TMC1: variants seen among roughly 807,000 people sequenced by gnomAD.
TMC1 encodes the protein transmembrane channel-like protein 1.
A neutral mutation model predicts 105.8 loss-of-function variants in TMC1; 84 were observed. The observed-to-expected ratio is 0.79, with a 90% CI of 0.67 to 0.95. The LOEUF is 0.95. Among genes scored for constraint, TMC1 ranks in the 40% least tolerant of loss-of-function variants. The probability of loss-of-function intolerance (pLI) is 0.00; values close to 1 mark genes in which losing one functional copy is unlikely to be tolerated. For missense variants in TMC1, 817 were observed against 914.1 expected (o/e 0.89, Z 1.37); for synonymous variants, 315 against 311.5 (o/e 1.01, Z -0.12).
intron 12 of TMC1, among the ~76,000 whole-genome samples, chr9:72,757,737 G>T (rs961418021): frequency 2.6e-5 from 4 of 152,114 alleles, no homozygotes; most frequent in Non-Finnish European, 4.4e-5. Flanking sequence ...GCATCATATC[G>T]GTGCTCGAAA....
chr9:72,834,617 G>C (rs1249776564), intron 23 of TMC1, among the ~76,000 whole-genome samples: 1 of 152,066 alleles, frequency 6.6e-6, no homozygotes, highest in African/African-American at 2.4e-5. Flanking sequence ...AAACAACACG[G>C]GTGGGGCTCA....
intron 10 of TMC1, among the ~76,000 whole-genome samples, chr9:72,747,315 A>T (rs1827505276): frequency 6.6e-6 from 1 of 152,176 alleles, no homozygotes; most frequent in Non-Finnish European, 1.5e-5. Flanking sequence ...GATGGTATTT[A>T]TATTGTAGTC....
At chr9:72,802,068 T>C (rs1564564558) in intron 17 of TMC1, among the ~76,000 whole-genome samples, 2 of 152,044 alleles carry the variant, frequency 1.3e-5, no homozygotes, top group Non-Finnish European at 2.9e-5. Flanking sequence ...CTTCCTCTAA[T>C]TGATGCTAGT....
At chr9:72,694,796 G>A in intron 7 of TMC1, 82 bp downstream of exon 7, 2 of 1,396,756 alleles carry the variant, frequency 1.4e-6, no homozygotes, top group South Asian at 1.3e-5. Context: ...CCTTAAAATT[G>A]GTAATTAAAG....
At chr9:72,574,688 T>G (rs1435420275) in intron 1 of TMC1, among the ~76,000 whole-genome samples, 1 of 152,216 alleles carries the variant, frequency 6.6e-6, no homozygotes, top group Non-Finnish European at 1.5e-5. Flanking sequence ...TACTTCCTTG[T>G]CACTTTTTAC....
In TMC1 at chr9:72,769,638, C is replaced by T. The variant is rs147513059; in HGVS notation, c.742-2775C>T. ...AAGGGAACGTCAAGAGTTGGAGATA[C>T]GATTACCCTAGTAGCAGCAACTTCA... On this transcript the variant is annotated intron_variant, in intron 12 of 23. Coordinates refer to ENST00000297784, the MANE Select transcript of TMC1 (RefSeq NM_138691.3). Among the ~76,000 whole-genome samples, 282 of 152,256 alleles carry T rather than the reference C, an allele frequency of 1.9e-3. 4 individuals are homozygous for T. The highest frequency in any genetic ancestry group is 2.2e-4 in the Non-Finnish European group (15 of 68,008).
intron 6 of TMC1, among the ~76,000 whole-genome samples, chr9:72,689,978 AC>A (rs1184948880): frequency 7.9e-5 from 12 of 152,070 alleles, no homozygotes; most frequent in Non-Finnish European, 1.6e-4. Flanking sequence ...AGCAAGACTA[AC>A]TTTTGCCATT....
intron 8 of TMC1, among the ~76,000 whole-genome samples, chr9:72,739,759 A>G (rs1341237282): frequency 1.3e-5 from 2 of 152,208 alleles, no homozygotes; most frequent in South Asian, 2.1e-4. Context: ...AAGAAGAGGA[A>G]GTATTTTAAA....
At position 72,763,827 on chromosome 9, in the gene TMC1, G is replaced by T. The variant is rs1341942202; in HGVS notation, c.742-8586G>T. Among the ~76,000 whole-genome samples the T allele has an allele frequency of 3.9e-5, 6 of 152,018 alleles. No homozygotes were observed. In the East Asian group the frequency reaches 1.2e-3, roughly 29 times the overall value. ...AGCAATTAAAAGTAACTTAAGTGGG[G>T]GGTAGGTGGGTAGTAACATATCAGA... On this transcript the variant is annotated intron_variant, in intron 12 of 23. Transcript: ENST00000297784.
In TMC1 at chr9:72,733,717, T is replaced by C. The variant is rs1588055450; in HGVS notation, c.363-6402T>C. On this transcript the variant is annotated intron_variant, in intron 8 of 23. Transcript: ENST00000297784. ...CTTTTCTATCTTAACTAACCACTTA[T>C]CACACACTGTGGCCATAACTTTTGC... 2.0e-5 allele frequency among the ~76,000 whole-genome samples: 3 copies of C among 152,290 alleles called. No individual in the cohort carries two copies. In the East Asian group the frequency reaches 5.8e-4, roughly 29 times the overall value.
intron 8 of TMC1, among the ~76,000 whole-genome samples, chr9:72,739,243 C>T (rs761626758): frequency 6.6e-6 from 1 of 152,164 alleles, no homozygotes; most frequent in African/African-American, 2.4e-5. Flanking sequence ...CTGGCCACTA[C>T]TTACAAGGGC....
chr9:72,538,540 G>A (rs978009125), intron 1 of TMC1, among the ~76,000 whole-genome samples: 5 of 152,044 alleles, frequency 3.3e-5, no homozygotes, highest in Admixed American at 6.6e-5. Flanking sequence ...CAGCTCAAGC[G>A]ATTCTCCTGC....
chr9:72,761,703 CAT>C (rs1298295030), intron 12 of TMC1, among the ~76,000 whole-genome samples: 1 of 152,188 alleles, frequency 6.6e-6, no homozygotes, highest in East Asian at 1.9e-4. Context: ...AGGTTAGACA[CAT>C]ATAGAATGTT....
chr9:72,559,619 G>C (rs1164416691), intron 1 of TMC1, among the ~76,000 whole-genome samples: 1 of 152,154 alleles, frequency 6.6e-6, no homozygotes, highest in East Asian at 1.9e-4. Flanking sequence ...AGAAAGAAAA[G>C]AGCAGGGCCT....
intron 1 of TMC1, among the ~76,000 whole-genome samples, chr9:72,571,368 T>G (rs1824280642): frequency 8.3e-6 from 1 of 120,208 alleles, no homozygotes. Flanking sequence ...TTACTATTAC[T>G]TCTCTCTTTC....
intron 1 of TMC1, among the ~76,000 whole-genome samples, chr9:72,569,834 T>C (rs1027894039): frequency 1.3e-5 from 2 of 152,100 alleles, no homozygotes; most frequent in Non-Finnish European, 2.9e-5. Context: ...ATGTGGTCAT[T>C]TGTGGTTCTG....
intron 6 of TMC1, among the ~76,000 whole-genome samples, chr9:72,691,893 A>G (rs149465925): frequency 1.1e-3 from 173 of 152,288 alleles, no homozygotes; most frequent in African/African-American, 3.9e-3. Context: ...GTGAATGAGT[A>G]CAAACTAATT....
intron 8 of TMC1, among the ~76,000 whole-genome samples, chr9:72,720,285 A>T (rs1430337013): frequency 1.3e-5 from 2 of 152,218 alleles, no homozygotes; most frequent in Admixed American, 6.5e-5. Context: ...GCTCTCCCAG[A>T]AGTCACAAAC....
At chr9:72,659,249 G>A (rs1247750282) in intron 5 of TMC1, among the ~76,000 whole-genome samples, 1 of 152,160 alleles carries the variant, frequency 6.6e-6, no homozygotes, top group African/African-American at 2.4e-5. Context: ...AAAATGAGGT[G>A]GTTCCTGCAA....
Sources: allele counts gnomAD v4.1 joint callset (sites outside exome capture counted in the v4.1 genomes callset), GRCh38; gene constraint gnomAD v4.1.1; transcripts MANE v1.5; gene names NCBI Gene and HGNC (gene_info 2026-07-23, HGNC 2026-07-21).